CFHR4: variants seen among roughly 807,000 people sequenced by gnomAD.
CFHR4 encodes complement factor H-related protein 4.
A neutral mutation model predicts 69.3 loss-of-function variants in CFHR4; 64 were observed. The observed-to-expected ratio is 0.92, with a 90% confidence interval of 0.76 to 1.14. CFHR4 has a LOEUF of 1.14. CFHR4 is among the 50% of genes most tolerant of loss of function. The probability of loss-of-function intolerance (pLI) is 0.00; values close to 1 mark genes in which losing one functional copy is unlikely to be tolerated. For synonymous variants in CFHR4, 244 were observed against 237.0 expected, an observed-to-expected ratio of 1.03 and a Z score of -0.27; for missense variants, 636 against 684.9, an observed-to-expected ratio of 0.93 and a Z score of 0.80.
At chr1:196,900,974 C>T (rs979632058) in intron 1 of CFHR4, among the ~76,000 whole-genome samples, 1 of 151,322 alleles carries the variant, frequency 6.6e-6, no homozygotes, top group African/African-American at 2.4e-5. Context: ...AAGTTATAAT[C>T]GGCATAACTA....
intron 9 of CFHR4, among the ~76,000 whole-genome samples, chr1:196,916,235 CAAGAAAACCTAA>C (rs1558253442): frequency 6.6e-6 from 1 of 151,500 alleles, no homozygotes; most frequent in Non-Finnish European, 1.5e-5. Context: ...ATGGCAACAA[CAAGAAAACCTAA>C]AAGAAAACTT....
At chr1:196,905,005 G>T in intron 2 of CFHR4, 103 bp from the exon 3 acceptor site, 1 of 1,099,846 alleles carries the variant, frequency 9.1e-7, no homozygotes, top group Non-Finnish European at 1.3e-6. Flanking sequence ...TTCATTAACA[G>T]ATGTTTCATT....
chr1:196,893,159 T>C (rs1657120628), intron 1 of CFHR4, among the ~76,000 whole-genome samples: 3 of 151,706 alleles, frequency 2.0e-5, no homozygotes, highest in African/African-American at 4.9e-5. Context: ...TATCACAGCA[T>C]AGAAGACAAT....
rs1657937437 is a variant in CFHR4, at chr1:196,906,916, G to A, written c.495G>A (p.Trp165Ter). The A allele has an allele frequency of 1.9e-6, 3 of 1,611,794 alleles. No homozygotes were observed. Among genetic ancestry groups the A allele is most frequent in the Non-Finnish European group, 1.7e-6 (2 of 1,179,372 alleles). Residue 165 changes from tryptophan to a stop codon, truncating the protein, a stop_gained, in exon 4 of 10, where the codon TGG becomes TGA. Coordinates refer to ENST00000608469, the MANE Select transcript of CFHR4 (RefSeq NM_001201550.3). LOFTEE classifies it high-confidence loss of function. ...CCAGAGCCAAGAGTAATGGCATGTG[G>A]TTTAAGCTCCATGACACATTGGACT... ...ENSRAKSNGMWFKLHDTLDYE... is the reference protein window; with the variant it reads ...ENSRAKSNGM
chr1:196,912,462 T>A (rs1658327949), intron 6 of CFHR4, among the ~76,000 whole-genome samples: 1 of 151,336 alleles, frequency 6.6e-6, no homozygotes, highest in Non-Finnish European at 1.5e-5. Flanking sequence ...CTTGAGAGTC[T>A]GCTAGATGTG....
In CFHR4 at chr1:196,888,166, A is replaced by G. The variant is rs377334647; in HGVS notation, c.16A>G (p.Asn6Asp). 96 of 1,611,080 alleles carry G rather than the reference A, an allele frequency of 6.0e-5. No individual in the cohort carries two copies. The highest frequency in any genetic ancestry group is 7.7e-5 in the Non-Finnish European group (91 of 1,178,602). ...AATATCTAACATGTTGTTACTAATC[A>G]ATGTCATTCTGACCTTGTGGGTTTC... is the stretch of plus-strand genomic sequence containing the variant. MLLLI[N>D]VILTLWVSCA... The change falls in exon 1 of 10, where the codon AAT becomes GAT. Residue 6 changes from asparagine (N) to aspartate (D), a missense_variant. This residue lies in a region of CFHR4 where 529 missense variants were observed against 533.2 expected (regional missense o/e 0.99). Transcript: ENST00000608469.
intron 1 of CFHR4, among the ~76,000 whole-genome samples, chr1:196,890,356 T>C (rs1168518191): frequency 1.3e-5 from 2 of 151,610 alleles, no homozygotes; most frequent in East Asian, 3.9e-4. Flanking sequence ...TTGTTTTTAA[T>C]GGTAGTTGAT....
At chr1:196,907,269 C>A in intron 4 of CFHR4, 47 bp from the exon 5 acceptor site, 1 of 1,500,672 alleles carries the variant, frequency 6.7e-7, no homozygotes, top group Non-Finnish European at 9.3e-7. Flanking sequence ...CAGAAAGTTT[C>A]CAATAAAACT....
intron 1 of CFHR4, among the ~76,000 whole-genome samples, chr1:196,894,347 T>C (rs1422881046): frequency 6.6e-6 from 1 of 151,590 alleles, no homozygotes; most frequent in Admixed American, 6.6e-5. Context: ...AAAACCATTG[T>C]TACCATAATG....
chr1:196,912,662 C>G, intron 6 of CFHR4, 78 bp from the exon 7 acceptor site: 6 of 1,402,592 alleles, frequency 4.3e-6, no homozygotes, highest in Non-Finnish European at 5.7e-6. Context: ...TGCCATATTG[C>G]CATGTTTTTA....
chr1:196,902,689 A>G, intron 2 of CFHR4, 74 bp downstream of exon 2: 2 of 1,116,762 alleles, frequency 1.8e-6, no homozygotes, highest in Non-Finnish European at 2.6e-6. Context: ...AAATGATTAT[A>G]TTGTCTTATA....
chr1:196,902,503 A>C lies in CFHR4; in HGVS notation c.144A>C (p.Ala48=). 2 of 1,611,236 alleles carry C rather than the reference A, an allele frequency of 1.2e-6. No individual in the cohort carries two copies. Among genetic ancestry groups the C allele is most frequent in the African/African-American group, 2.7e-5 (2 of 74,480 alleles). Residue 48 remains alanine (A), a synonymous_variant, in exon 2 of 10, where the codon GCA becomes GCC. Transcript: ENST00000608469. ...GTAGACTATACTTTCCAGCAGCTGCAGGACAATCTTATTCCTATTACTGTG... is the reference window on the plus strand; with the variant it reads ...GTAGACTATACTTTCCAGCAGCTGCCGGACAATCTTATTCCTATTACTGTG... ...SLRRLYFPAA[A]GQSYSYYCDQ... is the part of the protein sequence containing the mutation.
Position 196,912,817 on chromosome 1 carries a change from G to T in CFHR4, c.1075G>T (p.Glu359Ter), listed in dbSNP as rs1309004238. Residue 359 changes from glutamate (E) to a stop codon, truncating the protein, a stop_gained, in exon 7 of 10, where the codon GAA becomes TAA. Transcript: ENST00000608469. LOFTEE classifies it high-confidence loss of function. ...TTCCTCTATTTATATTTTAAATAAA[G>T]AAATACAATATAAATGTAAACCAGG... is the stretch of plus-strand genomic sequence containing the variant. ...ESSSIYILNK[E>*]IQYKCKPGYA... The T allele has an allele frequency of 1.9e-6, 3 of 1,604,366 alleles. 1 individual carries two copies. Among genetic ancestry groups the T allele is most frequent in the Non-Finnish European group, 2.6e-6 (3 of 1,175,720 alleles).
chr1:196,888,852 T>C lies in CFHR4; in HGVS notation c.58+644T>C, dbSNP rs1001471550. Among the ~76,000 whole-genome samples the C allele has an allele frequency of 5.3e-5, 8 of 151,406 alleles. 1 individual carries two copies. The highest frequency in any genetic ancestry group is 1.9e-4 in the African/African-American group (8 of 41,076). On this transcript the variant is annotated intron_variant, in intron 1 of 9. Transcript: ENST00000608469. ...TTGCATTTCTGAGTTCACTAGCAAATGTTCAATAAATAAATACATAAATAA... is the reference window on the plus strand; with the variant it reads ...TTGCATTTCTGAGTTCACTAGCAAACGTTCAATAAATAAATACATAAATAA...
At chr1:196,888,460 T>C (rs1447324508) in intron 1 of CFHR4, among the ~76,000 whole-genome samples, 1 of 151,282 alleles carries the variant, frequency 6.6e-6, no homozygotes, top group Non-Finnish European at 1.5e-5. Context: ...TAATATTCAT[T>C]ATGGAGATAT....
At position 196,902,107 on chromosome 1, in the gene CFHR4, A is replaced by G. The variant is rs142225264; in HGVS notation, c.59-311A>G. 1.2e-3 allele frequency among the ~76,000 whole-genome samples: 186 copies of G among 151,694 alleles called. 1 individual carries two copies. The Middle Eastern group carries it at 0.027, about 22-fold the overall frequency. ...CTGATGGGATGGAACAGAAAGAAAAAGAAGACAGATGAGCTGAATGGTAAA... is the reference window on the plus strand; with the variant it reads ...CTGATGGGATGGAACAGAAAGAAAAGGAAGACAGATGAGCTGAATGGTAAA... On this transcript the variant is annotated intron_variant, in intron 1 of 9. Transcript: ENST00000608469.
chr1:196,897,188 C>A (rs971373066), intron 1 of CFHR4, among the ~76,000 whole-genome samples: 2 of 151,550 alleles, frequency 1.3e-5, no homozygotes, highest in African/African-American at 4.9e-5. Flanking sequence ...CCTCGCAGGA[C>A]GTGCGAGAGG....
At chr1:196,917,507 G>T (rs1174971724) in intron 9 of CFHR4, among the ~76,000 whole-genome samples, 5 of 151,618 alleles carry the variant, frequency 3.3e-5, no homozygotes, top group Non-Finnish European at 7.4e-5. Flanking sequence ...TTTTACAGAT[G>T]AAGGCATAGT....
chr1:196,914,457 G>C (rs773194186), intron 7 of CFHR4, 38 bp from the exon 8 acceptor site: 41 of 1,584,660 alleles, frequency 2.6e-5, no homozygotes, highest in Non-Finnish European at 3.0e-5. Context: ...TGCATCGTAT[G>C]GCATAGAAAA....
Sources: gnomAD v4.1 joint callset for allele counts (sites outside exome capture counted in the v4.1 genomes callset) on GRCh38, gnomAD v4.1.1 for gene constraint, gnomAD v4.1.1 regional missense constraint, MANE v1.5 for transcripts, NCBI Gene and HGNC (gene_info 2026-07-23, HGNC 2026-07-21) for gene names.